Variants in MIPOL1 observed in about 807,000 individuals in gnomAD.
MIPOL1 encodes the protein mirror-image polydactyly gene 1 protein.
Under a neutral mutation model 60.9 loss-of-function variants are expected in MIPOL1, and 57 were observed. That is an observed-to-expected ratio of 0.94 (90% CI 0.76 to 1.17). The LOEUF is 1.17. Among genes scored for constraint, MIPOL1 ranks in the 50% most tolerant of loss-of-function variants. MIPOL1 has a pLI of 0.00. For synonymous variants in MIPOL1, 179 were observed against 168.8 expected (o/e 1.06, Z -0.47); for missense variants, 551 against 511.6 (o/e 1.08, Z -0.74).
At chr14:37,398,916 T>C (rs1285737736) in intron 10 of MIPOL1, among the ~76,000 whole-genome samples, 3 of 152,206 alleles carry the variant, frequency 2.0e-5, no homozygotes, top group African/African-American at 7.2e-5. Flanking sequence ...TTCTTGGGTT[T>C]TATTTAAACC....
At chr14:37,291,915 T>A (rs2085093816) in intron 7 of MIPOL1, among the ~76,000 whole-genome samples, 1 of 38,312 alleles carries the variant, frequency 2.6e-5, no homozygotes, top group Non-Finnish European at 4.2e-5. Flanking sequence ...ATGGCAATAA[T>A]TTTTTTTTTT....
intron 11 of MIPOL1, among the ~76,000 whole-genome samples, chr14:37,472,246 G>C (rs1262351296): frequency 2.6e-5 from 4 of 152,158 alleles, no homozygotes; most frequent in Non-Finnish European, 4.4e-5. Flanking sequence ...CTTTTCCTAA[G>C]GGAGTTGGGA....
chr14:37,281,118 T>C lies in MIPOL1; in HGVS notation c.494-4200T>C, dbSNP rs535538888. On this transcript the variant is annotated intron_variant, in intron 6 of 12. Coordinates refer to ENST00000684589, the MANE Select transcript of MIPOL1 (RefSeq NM_001388067.1). ...GTCATGGAACTTTCCCCCTGTGTTA[T>C]CTTCTAGTAGTTTTATAATTTCCAG... Among the ~76,000 whole-genome samples the C allele has an allele frequency of 1.4e-4, 22 of 152,312 alleles. No individual in the cohort carries two copies. In the South Asian group the frequency reaches 4.6e-3, roughly 32 times the overall value.
intron 10 of MIPOL1, among the ~76,000 whole-genome samples, chr14:37,396,058 C>T (rs2093365661): frequency 6.6e-6 from 1 of 151,896 alleles, no homozygotes; most frequent in Admixed American, 6.6e-5. Context: ...CTATTTGTTG[C>T]CTGTGTACCT....
chr14:37,299,968 C>G (rs1020624860), intron 7 of MIPOL1, among the ~76,000 whole-genome samples: 2 of 151,962 alleles, frequency 1.3e-5, no homozygotes, highest in African/African-American at 4.8e-5. Context: ...CAGAATGTTT[C>G]TCAATTTGGG....
intron 11 of MIPOL1, among the ~76,000 whole-genome samples, chr14:37,439,271 A>G (rs770011216): frequency 1.3e-5 from 2 of 152,220 alleles, no homozygotes; most frequent in Non-Finnish European, 2.9e-5. Flanking sequence ...GAATTGAAGT[A>G]TATGAACCAA....
chr14:37,356,901 C>A (rs942824534), intron 9 of MIPOL1, among the ~76,000 whole-genome samples: 1 of 152,162 alleles, frequency 6.6e-6, no homozygotes, highest in East Asian at 1.9e-4. Flanking sequence ...TAGACCGGAG[C>A]TGTTTCTATT....
intron 9 of MIPOL1, among the ~76,000 whole-genome samples, chr14:37,331,622 T>G (rs1356412946): frequency 6.6e-6 from 1 of 152,196 alleles, no homozygotes; most frequent in African/African-American, 2.4e-5. Flanking sequence ...GATTTTATAT[T>G]CTACAACTTT....
chr14:37,350,708 C>T (rs1434787335), intron 9 of MIPOL1, among the ~76,000 whole-genome samples: 3 of 152,092 alleles, frequency 2.0e-5, no homozygotes, highest in African/African-American at 4.8e-5. Context: ...TATTAACCAT[C>T]CCACTTCCCT....
chr14:37,466,877 C>T (rs1157249230), intron 11 of MIPOL1, among the ~76,000 whole-genome samples: 1 of 152,176 alleles, frequency 6.6e-6, no homozygotes, highest in Admixed American at 6.5e-5. Flanking sequence ...CTATCAATAT[C>T]AGATCAGAAT....
At position 37,412,493 on chromosome 14, in the gene MIPOL1, T is replaced by A. The variant is rs557790208; in HGVS notation, c.937-10362T>A. Among the ~76,000 whole-genome samples the A allele has an allele frequency of 5.9e-5, 9 of 152,182 alleles. No homozygotes were observed. In the South Asian group the frequency reaches 1.9e-3, roughly 32 times the overall value. On this transcript the variant is annotated intron_variant, in intron 10 of 12. Coordinates refer to ENST00000684589, the MANE Select transcript of MIPOL1 (RefSeq NM_001388067.1). ...ATACTGTACAGCAATTATAATTGTA[T>A]ACAATAAGGAACAAGAAACAACATG...
chr14:37,352,044 C>T (rs1307724913), intron 9 of MIPOL1, among the ~76,000 whole-genome samples: 11 of 56,946 alleles, frequency 1.9e-4, no homozygotes, highest in East Asian at 7.1e-4. Context: ...TTAGGTCTAA[C>T]GTTTAAGTCT....
intron 11 of MIPOL1, among the ~76,000 whole-genome samples, chr14:37,432,212 C>T (rs2094083926): frequency 6.6e-6 from 1 of 152,162 alleles, no homozygotes; most frequent in Admixed American, 6.5e-5. Flanking sequence ...GAAGTGATCT[C>T]ACTGTGTAAA....
intron 3 of MIPOL1, among the ~76,000 whole-genome samples, chr14:37,250,453 A>G (rs991183301): frequency 6.6e-6 from 1 of 152,142 alleles, no homozygotes; most frequent in African/African-American, 2.4e-5. Context: ...AGTCTGAGGC[A>G]GGAGAATCAC....
intron 11 of MIPOL1, among the ~76,000 whole-genome samples, chr14:37,457,994 T>C (rs544555501): frequency 6.6e-6 from 1 of 151,950 alleles, no homozygotes; most frequent in Admixed American, 6.6e-5. Flanking sequence ...GAAAAAGATA[T>C]ACCATACAGA....
intron 10 of MIPOL1, among the ~76,000 whole-genome samples, chr14:37,404,465 CTAT>C (rs1475419394): frequency 6.6e-6 from 1 of 152,248 alleles, no homozygotes; most frequent in East Asian, 1.9e-4. Flanking sequence ...AAGTGCTTAG[CTAT>C]TATTGTTAGT....
chr14:37,270,381 G>T (rs544328009), intron 5 of MIPOL1, 39 bp from the exon 6 acceptor site: 2 of 1,097,654 alleles, frequency 1.8e-6, no homozygotes, highest in South Asian at 2.0e-5. Flanking sequence ...CAAGACATTT[G>T]TCAAATAAGA....
intron 3 of MIPOL1, among the ~76,000 whole-genome samples, chr14:37,265,517 AAG>A (rs1335297208): frequency 1.3e-5 from 2 of 152,208 alleles, no homozygotes; most frequent in South Asian, 2.1e-4. Flanking sequence ...AATAAATTAG[AAG>A]AGTCAAACTT....
chr14:37,534,446 A>G (rs923765003), intron 12 of MIPOL1, among the ~76,000 whole-genome samples: 1 of 152,164 alleles, frequency 6.6e-6, no homozygotes, highest in African/African-American at 2.4e-5. Context: ...TCAACCCATT[A>G]CTTTAGAATA....
Sources: allele counts gnomAD v4.1 joint callset (sites outside exome capture counted in the v4.1 genomes callset), GRCh38; gene constraint gnomAD v4.1.1; transcripts MANE v1.5; gene names NCBI Gene and HGNC (gene_info 2026-07-23, HGNC 2026-07-21).